The following SLC8A1 variants were observed in gnomAD, a reference collection of about 807,000 sequenced individuals.
SLC8A1 encodes the protein solute carrier family 8 member A1.
A neutral mutation model predicts 68.3 loss-of-function variants in SLC8A1; 18 were observed. That is an observed-to-expected ratio of 0.26 (90% CI 0.18 to 0.39). The LOEUF is 0.39. Ranked by LOEUF, SLC8A1 falls within the 10% of genes least tolerant of loss-of-function variation. The pLI is 1.00. For synonymous variants in SLC8A1, 475 were observed against 415.5 expected (o/e 1.14, Z -1.74); for missense variants, 985 against 1,156.7 (o/e 0.85, Z 2.15).
At position 40,498,742 on chromosome 2, in the gene SLC8A1, A is replaced by C. The variant is rs74485724; in HGVS notation, c.-25+13607T>G. On this transcript the variant is annotated intron_variant, in intron 1 of 7. Coordinates refer to the SLC8A1 transcript ENST00000402441. ...CTTTGTCAAACTATTGGATGAAGAT[A>C]TAAAATCCATTTTCACTACATTTTC... Among the ~76,000 whole-genome samples, 34 of 152,218 alleles carry C rather than the reference A, an allele frequency of 2.2e-4. 1 individual carries two copies. In the East Asian group the frequency reaches 4.3e-3, roughly 19 times the overall value.
At chr2:40,268,773 A>G (rs915651983) in intron 2 of SLC8A1, among the ~76,000 whole-genome samples, 2 of 152,166 alleles carry the variant, frequency 1.3e-5, no homozygotes, top group African/African-American at 2.4e-5. Context: ...CCCAAGAACT[A>G]AGAGAGGTCA....
At chr2:40,413,097 A>C (rs973438119) in intron 2 of SLC8A1, among the ~76,000 whole-genome samples, 2 of 152,108 alleles carry the variant, frequency 1.3e-5, no homozygotes, top group Non-Finnish European at 2.9e-5. Context: ...AAAAGTCAGG[A>C]AACAACAGGT....
At position 40,221,771 on chromosome 2, in the gene SLC8A1, A is replaced by G. The variant is rs1351030359; in HGVS notation, c.1809-43916T>C. ...CCAAATCATGAGTGAACTCCCATTCACAATTGCTACAAAGAGAATAAAATA... is the reference window on the plus strand; with the variant it reads ...CCAAATCATGAGTGAACTCCCATTCGCAATTGCTACAAAGAGAATAAAATA... On this transcript the variant is annotated intron_variant, in intron 2 of 7. Coordinates refer to ENST00000406785, the Ensembl canonical transcript of SLC8A1. Among the ~76,000 whole-genome samples, 5 of 152,234 alleles carry G rather than the reference A, an allele frequency of 3.3e-5. No homozygotes were observed. In the East Asian group the frequency reaches 9.6e-4, roughly 29 times the overall value.
At chr2:40,497,920 G>A (rs1041416088) in intron 1 of SLC8A1, among the ~76,000 whole-genome samples, 1 of 152,152 alleles carries the variant, frequency 6.6e-6, no homozygotes, top group East Asian at 1.9e-4. Context: ...GAGCAGCCAG[G>A]GTGGAGGTAG....
intron 2 of SLC8A1, among the ~76,000 whole-genome samples, chr2:40,279,794 G>A (rs1461598686): frequency 6.6e-6 from 1 of 152,194 alleles, no homozygotes; most frequent in African/African-American, 2.4e-5. Context: ...GAGGGGAGGT[G>A]AGCTCTCACG....
intron 1 of SLC8A1, among the ~76,000 whole-genome samples, chr2:40,440,652 T>A (rs974090129): frequency 2.6e-5 from 4 of 152,102 alleles, no homozygotes; most frequent in African/African-American, 7.2e-5. Flanking sequence ...ATTATGTCCA[T>A]CACATAAACA....
At chr2:40,319,687 T>C (rs961141179) in intron 2 of SLC8A1, among the ~76,000 whole-genome samples, 11 of 152,242 alleles carry the variant, frequency 7.2e-5, no homozygotes, top group Middle Eastern at 3.4e-3. Context: ...GAAGTCTTCA[T>C]TTGACTTTCC....
chr2:40,367,148 T>C (rs994616182), intron 2 of SLC8A1, among the ~76,000 whole-genome samples: 3 of 151,976 alleles, frequency 2.0e-5, no homozygotes, highest in African/African-American at 4.8e-5. Flanking sequence ...AGTGTGCTGA[T>C]CCCCAAAGAC....
At chr2:40,112,423 C>T (rs1373053225) in exon 8 of SLC8A1, 2 of 149,316 alleles carry the variant, frequency 1.3e-5, no homozygotes, top group Non-Finnish European at 3.0e-5. Flanking sequence ...CAACCAGAAT[C>T]ATAGTTTCCT....
intron 2 of SLC8A1, among the ~76,000 whole-genome samples, chr2:40,303,365 G>T (rs1057064130): frequency 6.6e-6 from 1 of 152,166 alleles, no homozygotes; most frequent in Non-Finnish European, 1.5e-5. Context: ...TTCTCAGGGG[G>T]CCAGCACTGG....
chr2:40,342,109 CTTG>C (rs1461400669), intron 2 of SLC8A1, among the ~76,000 whole-genome samples: 1 of 152,050 alleles, frequency 6.6e-6, no homozygotes, highest in African/African-American at 2.4e-5. Flanking sequence ...AGTAAAGTTT[CTTG>C]TTAACCTAGT....
intron 6 of SLC8A1, among the ~76,000 whole-genome samples, chr2:40,153,010 C>T (rs1462901177): frequency 6.6e-6 from 1 of 151,982 alleles, no homozygotes; most frequent in Non-Finnish European, 1.5e-5. Context: ...ACTGAGATTT[C>T]AAATTTCCAA....
chr2:40,212,320 T>C (rs107008), intron 2 of SLC8A1, among the ~76,000 whole-genome samples: 104,167 of 144,672 alleles, frequency 0.72, 38,455 homozygotes, highest in Middle Eastern at 0.85. Context: ...AAGTCTCGCT[T>C]TGTCGACAGG....
chr2:40,173,185 A>T (rs970010160), intron 4 of SLC8A1, among the ~76,000 whole-genome samples: 3 of 152,156 alleles, frequency 2.0e-5, no homozygotes, highest in Non-Finnish European at 4.4e-5. Context: ...CCTTCTTCAA[A>T]TCTCCCAGGG....
At chr2:40,427,257 T>TC (rs1402699255) in intron 2 of SLC8A1, among the ~76,000 whole-genome samples, 7 of 151,988 alleles carry the variant, frequency 4.6e-5, no homozygotes, top group Admixed American at 1.3e-4. Context: ...TCTCTGCCCA[T>TC]CCCCTCCCCC....
chr2:40,429,421 G>C, exon 2 of SLC8A1: 1 of 1,613,786 alleles, frequency 6.2e-7, no homozygotes, highest in South Asian at 1.1e-5. Context: ...TTCAATTTCA[G>C]TCTTAGAAGA....
intron 2 of SLC8A1, among the ~76,000 whole-genome samples, chr2:40,284,379 GATAT>G (rs1206280340): frequency 6.9e-6 from 1 of 145,360 alleles, no homozygotes; most frequent in Non-Finnish European, 1.5e-5. Context: ...ATTTATGTAT[GATAT>G]ATGATATATA....
At chr2:40,450,866 T>G (rs1470107736) in intron 1 of SLC8A1, among the ~76,000 whole-genome samples, 1 of 152,140 alleles carries the variant, frequency 6.6e-6, no homozygotes, top group Non-Finnish European at 1.5e-5. Context: ...TTTGTTAAAT[T>G]TCATCACCCC....
chr2:40,494,575 TCA>T (rs1705548784), intron 1 of SLC8A1, among the ~76,000 whole-genome samples: 1 of 145,890 alleles, frequency 6.9e-6, no homozygotes, highest in African/African-American at 2.6e-5. Flanking sequence ...TGAGGAATGG[TCA>T]CACACATATA....
Sources: gnomAD v4.1 joint callset for allele counts (sites outside exome capture counted in the v4.1 genomes callset) on GRCh38, gnomAD v4.1.1 for gene constraint, MANE v1.5 for transcripts, NCBI Gene and HGNC (gene_info 2026-07-23, HGNC 2026-07-21) for gene names.